CENPF: variants seen among roughly 807,000 people sequenced by gnomAD.
CENPF encodes centromere protein F.
A neutral mutation model predicts 307.3 loss-of-function variants in CENPF; 214 were observed. That is an observed-to-expected ratio of 0.70 (90% CI 0.62 to 0.78). CENPF has a LOEUF of 0.78. CENPF is among the 30% of genes least tolerant of loss of function. CENPF has a pLI of 0.00. For missense variants in CENPF, 3,401 were observed against 3,483.9 expected (o/e 0.98, Z 0.60); for synonymous variants, 1,259 against 1,270.6 (o/e 0.99, Z 0.19).
intron 17 of CENPF, 78 bp downstream of exon 17, chr1:214,655,481 G>T: frequency 8.2e-7 from 1 of 1,217,402 alleles, no homozygotes; most frequent in South Asian, 2.2e-5. Flanking sequence ...GCGTGCATAG[G>T]AACTATTTTT....
At chr1:214,628,937 C>A in intron 7 of CENPF, 109 bp from the exon 8 acceptor site, 1 of 772,854 alleles carries the variant, frequency 1.3e-6, no homozygotes, top group Non-Finnish European at 2.0e-6. Context: ...AGTTCCTAAA[C>A]ATAAATTGTG....
Position 214,630,586 on chromosome 1 carries a change from A to G in CENPF, c.1247A>G (p.Gln416Arg), listed in dbSNP as rs1657779307. Reference sequence around the variant, plus strand: ...CAAACACTGGACCAGGAGTGCATCCAGATGAAGGCCAGACTCACCCAGGAG... The same window carrying G: ...CAAACACTGGACCAGGAGTGCATCCGGATGAAGGCCAGACTCACCCAGGAG... ...SFQTLDQECI[Q>R]MKARLTQELQ... Residue 416 changes from glutamine (Q) to arginine (R), a missense_variant, in exon 9 of 20, where the codon CAG becomes CGG. Physicochemically the swap from Gln to Arg is conservative, Grantham distance 43. Coordinates refer to ENST00000366955, the MANE Select transcript of CENPF (RefSeq NM_016343.4). The G allele has an allele frequency of 3.1e-6, 5 of 1,614,202 alleles. 1 individual carries two copies. The South Asian group carries it at 4.4e-5, about 14-fold the overall frequency.
At position 214,663,866 on chromosome 1, in the gene CENPF, C is replaced by G; in HGVS notation, c.*72C>G. ...AGATAAGGCTGTGCCTACAGGACTTCTCTTTAGTCAGGGCATGCTTTATTA... is the reference window on the plus strand; with the variant it reads ...AGATAAGGCTGTGCCTACAGGACTTGTCTTTAGTCAGGGCATGCTTTATTA... On this transcript the variant is annotated 3_prime_UTR_variant, in exon 20 of 20. Coordinates refer to ENST00000366955, the MANE Select transcript of CENPF (RefSeq NM_016343.4). The G allele has an allele frequency of 8.1e-7, 1 of 1,238,482 alleles. No individual in the cohort carries two copies. The highest frequency in any genetic ancestry group is 2.5e-5 in the East Asian group (1 of 40,054). The allele number at this position is 1,238,482 out of a possible 1,614,324, so 76.7% of individuals were successfully genotyped here.
In CENPF at chr1:214,640,972, G is replaced by A; in HGVS notation, c.2634G>A (p.Val878=). Residue 878 remains valine (V), a synonymous_variant, in exon 12 of 20, where the codon GTG becomes GTA. Coordinates refer to ENST00000366955, the MANE Select transcript of CENPF (RefSeq NM_016343.4). ...CAGAACAGATGCATCAAAGTTTTGT[G>A]GCTGAAACAAGTCAGCGCATTAGTA... The part of the protein sequence containing the change: ...MKAEQMHQSF[V]AETSQRISKL... 6.3e-7 allele frequency: 1 copy of A among 1,599,596 alleles called. No homozygotes were observed. Among genetic ancestry groups the A allele is most frequent in the Non-Finnish European group, 8.5e-7 (1 of 1,176,364 alleles).
chr1:214,660,818 C>G (rs952826145), intron 19 of CENPF, among the ~76,000 whole-genome samples: 1 of 152,170 alleles, frequency 6.6e-6, no homozygotes, highest in Non-Finnish European at 1.5e-5. Context: ...AAATATCTGT[C>G]TTCTGATTTG....
intron 10 of CENPF, among the ~76,000 whole-genome samples, chr1:214,636,195 G>A (rs1049414969): frequency 1.3e-5 from 2 of 152,110 alleles, no homozygotes; most frequent in Non-Finnish European, 2.9e-5. Flanking sequence ...GCTTTAAGAT[G>A]TTTGTCCTTT....
At chr1:214,605,282 T>G (rs1039524533) in intron 1 of CENPF, among the ~76,000 whole-genome samples, 5 of 152,166 alleles carry the variant, frequency 3.3e-5, no homozygotes, top group African/African-American at 9.7e-5. Flanking sequence ...CTAACATATA[T>G]GGAAAGCTTA....
rs142868556 is a variant in CENPF at position 214,655,267 on chromosome 1, G to T, written c.8349G>T (p.Gln2783His). Residue 2783 changes from glutamine (Q) to histidine (H), a missense_variant, in exon 17 of 20, where the codon CAG (glutamine) becomes CAT (histidine). Transcript: ENST00000366955. ...TKMDNLKYVN[Q>H]LKKENERAQG... ...TGGACAATCTAAAATATGTAAATCA[G>T]TTGAAGAAGGAAAATGAACGTGCCC... is the stretch of plus-strand genomic sequence containing the variant. The T allele has an allele frequency of 1.1e-5, 17 of 1,603,174 alleles. No individual in the cohort carries two copies. The highest frequency in any genetic ancestry group is 1.4e-5 in the Non-Finnish European group (17 of 1,175,158).
chr1:214,645,293 G>C lies in CENPF; in HGVS notation c.5723G>C (p.Arg1908Thr), dbSNP rs963309636. The C allele has an allele frequency of 1.9e-6, 3 of 1,614,164 alleles. No homozygotes were observed. Among genetic ancestry groups the C allele is most frequent in the Non-Finnish European group, 2.5e-6 (3 of 1,180,028 alleles). ...LDVENELSRI[R>T]SEKASIEHEA... ...GTGGAAAATGAGCTGAGTAGGATCA[G>C]ATCGGAGAAAGCTAGCATTGAGCAT... Residue 1908 changes from arginine (R) to threonine (T), a missense_variant, in exon 13 of 20, where the codon AGA becomes ACA. Arg to Thr is a moderately conservative substitution (Grantham distance 71). Transcript: ENST00000366955.
In CENPF at chr1:214,643,036, A is replaced by G. The variant is rs1658176575; in HGVS notation, c.4698A>G (p.Leu1566=). The G allele has an allele frequency of 1.2e-6, 2 of 1,610,264 alleles. No individual in the cohort carries two copies. Among genetic ancestry groups the G allele is most frequent in the Non-Finnish European group, 1.7e-6 (2 of 1,179,014 alleles). The change falls in exon 12 of 20, where the codon CTA becomes CTG. Residue 1566 remains leucine (L), a synonymous_variant. Coordinates refer to ENST00000366955, the MANE Select transcript of CENPF (RefSeq NM_016343.4). ...CEVYRQSLEK[L]EEKMESQGIM... ...TGTACCGGCAGTCCCTCGAGAAGCT[A>G]GAAGAGAAAATGGAAAGTCAAGGGA... is the stretch of plus-strand genomic sequence containing the variant.
Position 214,663,925 on chromosome 1 carries a change from T to A in CENPF, c.*131T>A. ...AAAACAATTCCTTAGAAGTCTTAAATATATTGTACTCTTTAGATCTCCCAT... is the reference window on the plus strand; with the variant it reads ...AAAACAATTCCTTAGAAGTCTTAAAAATATTGTACTCTTTAGATCTCCCAT... On this transcript the variant is annotated 3_prime_UTR_variant, in exon 20 of 20. Coordinates refer to ENST00000366955, the MANE Select transcript of CENPF (RefSeq NM_016343.4). 2 of 702,442 alleles carry A rather than the reference T, an allele frequency of 2.8e-6. No individual in the cohort carries two copies. Among genetic ancestry groups the A allele is most frequent in the Non-Finnish European group, 4.7e-6 (2 of 429,078 alleles). 43.5% of individuals were successfully genotyped at this position (702,442 alleles called of 1,614,324 possible). A position where few individuals can be genotyped will look rare whatever the true frequency, so the allele number is the denominator to read the frequency against.
chr1:214,651,154 A>G (rs1183137489), intron 14 of CENPF, among the ~76,000 whole-genome samples: 2 of 152,196 alleles, frequency 1.3e-5, no homozygotes. Flanking sequence ...AGAAACACAT[A>G]CAGAGACAGC....
At chr1:214,635,049 T>C (rs1320844577) in intron 10 of CENPF, among the ~76,000 whole-genome samples, 3 of 152,154 alleles carry the variant, frequency 2.0e-5, no homozygotes, top group Admixed American at 1.3e-4. Context: ...GCCAGCCCCA[T>C]AGCATTGGGG....
chr1:214,628,381 GT>G (rs756310132), intron 7 of CENPF, among the ~76,000 whole-genome samples: 63 of 146,080 alleles, frequency 4.3e-4, no homozygotes, highest in Middle Eastern at 3.6e-3. Flanking sequence ...GTGGTGCAAG[GT>G]TTTTTTTTTT....
chr1:214,605,944 G>A, intron 1 of CENPF: 1 of 1,597,372 alleles, frequency 6.3e-7, no homozygotes, highest in South Asian at 1.1e-5. Context: ...TGTCGGGGAA[G>A]GCGACGCGCA....
In CENPF at chr1:214,646,343, T is replaced by G; in HGVS notation, c.6773T>G (p.Val2258Gly). 6.2e-7 allele frequency: 1 copy of G among 1,613,932 alleles called. No individual in the cohort carries two copies. The highest frequency in any genetic ancestry group is 8.5e-7 in the Non-Finnish European group (1 of 1,179,942). Residue 2258 changes from valine to glycine, a missense_variant, in exon 13 of 20, where the codon GTG becomes GGG. Coordinates refer to ENST00000366955, the MANE Select transcript of CENPF (RefSeq NM_016343.4). The part of the protein sequence containing the change: ...IQIKEESKTA[V>G]EMLQNQLKEL... ...ATCAAAGAAGAATCTAAAACTGCAGTGGAGATGCTTCAGAATCAGTTAAAG... is the reference window on the plus strand; with the variant it reads ...ATCAAAGAAGAATCTAAAACTGCAGGGGAGATGCTTCAGAATCAGTTAAAG...
chr1:214,610,999 G>A (rs577165859), intron 1 of CENPF, among the ~76,000 whole-genome samples: 7 of 152,176 alleles, frequency 4.6e-5, no homozygotes, highest in East Asian at 1.9e-4. Context: ...GTAGGTGTGC[G>A]GCTTATTTCT....
rs970262920 is a variant in CENPF at position 214,659,189 on chromosome 1, G to A, written c.9141+161G>A. Among the ~76,000 whole-genome samples, 2 of 152,130 alleles carry A rather than the reference G, an allele frequency of 1.3e-5. No homozygotes were observed. Among genetic ancestry groups the A allele is most frequent in the African/African-American group, 4.8e-5 (2 of 41,402 alleles). On this transcript the variant is annotated intron_variant, in intron 19 of 19. Transcript: ENST00000366955. The surrounding 1 kb of genome is among the most constrained non-coding windows in gnomAD (Gnocchi z 4.4). ...GTCAGTAGTGAGCAAGTGACCGGGT[G>A]AGCATTACAGTATCAGGGTACATGA...
Position 214,646,886 on chromosome 1 carries a change from C to T in CENPF, c.7316C>T (p.Ala2439Val). The change falls in exon 13 of 20, where the codon GCC (alanine) becomes GTC (valine). Residue 2439 changes from alanine (A) to valine (V), a missense_variant. Transcript: ENST00000366955. ...KVQMKEKSSTAMEMLQTQLKE... is the reference protein window; with the variant it reads ...KVQMKEKSSTVMEMLQTQLKE... The stretch of plus-strand genomic sequence containing the variant: ...CAGATGAAAGAAAAATCAAGCACTG[C>T]CATGGAGATGCTTCAAACACAATTA... The T allele has an allele frequency of 6.2e-7, 1 of 1,613,884 alleles. No homozygotes were observed. Among genetic ancestry groups the T allele is most frequent in the Non-Finnish European group, 8.5e-7 (1 of 1,179,928 alleles).
Sources: gnomAD v4.1 joint callset for allele counts (sites outside exome capture counted in the v4.1 genomes callset) on GRCh38, gnomAD v4.1.1 for gene constraint, Gnocchi (gnomAD v3.1) non-coding constraint, MANE v1.5 for transcripts, NCBI Gene and HGNC (gene_info 2026-07-23, HGNC 2026-07-21) for gene names.